The following GPHN variants were observed in gnomAD, a reference collection of about 807,000 sequenced individuals.
GPHN encodes gephyrin.
A neutral mutation model predicts 95.5 loss-of-function variants in GPHN; 17 were observed. The observed-to-expected ratio is 0.18, with a 90% CI of 0.12 to 0.27. The LOEUF is 0.27. Among genes scored for constraint, GPHN ranks in the 10% least tolerant of loss-of-function variants. The pLI, the probability that GPHN is intolerant of heterozygous loss-of-function variation, is 1.00. For missense variants in GPHN, 660 were observed against 978.1 expected (o/e 0.67, Z 4.34); for synonymous variants, 320 against 322.5 (o/e 0.99, Z 0.08).
intron 1 of GPHN, among the ~76,000 whole-genome samples, chr14:66,579,729 A>G (rs573495377): frequency 6.6e-5 from 10 of 151,978 alleles, no homozygotes; most frequent in Admixed American, 2.0e-4. Context: ...ATCTGAAGGG[A>G]GAGACAAGAC....
intron 5 of GPHN, among the ~76,000 whole-genome samples, chr14:66,881,887 T>A (rs1424776844): frequency 3.3e-5 from 5 of 151,836 alleles, no homozygotes; most frequent in Non-Finnish European, 7.4e-5. Flanking sequence ...CCTTCTGGCT[T>A]TTCTGTCTGT....
chr14:66,750,291 GC>G (rs1298986906), intron 2 of GPHN, among the ~76,000 whole-genome samples: 1 of 151,378 alleles, frequency 6.6e-6, no homozygotes, highest in African/African-American at 2.4e-5. Context: ...CATTTTTTTT[GC>G]ACATCATGTC....
intron 18 of GPHN, among the ~76,000 whole-genome samples, chr14:67,158,135 TG>T (rs2081724532): frequency 6.6e-6 from 1 of 151,574 alleles, no homozygotes; most frequent in South Asian, 2.1e-4. Context: ...GGTGAAACAG[TG>T]TCTCTACTAA....
chr14:67,325,500 T>C, the GPHN span, among the ~76,000 whole-genome samples: 1 of 152,146 alleles, frequency 6.6e-6, no homozygotes. Flanking sequence ...CTTGGGATGA[T>C]ACAAAGGAAA....
At chr14:66,732,664 G>A (rs745892452) in intron 2 of GPHN, among the ~76,000 whole-genome samples, 61 of 149,690 alleles carry the variant, frequency 4.1e-4, no homozygotes, top group African/African-American at 1.4e-3. Flanking sequence ...CTACAGGCAC[G>A]CACTACCACA....
the GPHN span, among the ~76,000 whole-genome samples, chr14:67,506,352 A>T: frequency 2.6e-5 from 4 of 152,186 alleles, no homozygotes; most frequent in Admixed American, 1.3e-4. Flanking sequence ...GAAAGAACTA[A>T]TCCCACTGGA....
the GPHN span, chr14:67,221,656 C>T: frequency 8.9e-6 from 13 of 1,453,034 alleles, no homozygotes; most frequent in Admixed American, 8.7e-5. Flanking sequence ...GTTTGCTAAA[C>T]GTGTTTCATT....
At chr14:66,560,015 G>T (rs918447204) in intron 1 of GPHN, among the ~76,000 whole-genome samples, 11 of 152,238 alleles carry the variant, frequency 7.2e-5, no homozygotes, top group Admixed American at 5.2e-4. Flanking sequence ...CCCATTGCTT[G>T]TTTTTGTCAG....
chr14:67,105,915 A>G (rs922385728), intron 13 of GPHN, among the ~76,000 whole-genome samples: 4 of 151,960 alleles, frequency 2.6e-5, no homozygotes, highest in Non-Finnish European at 5.9e-5. Context: ...ATTGTTTATC[A>G]TTGCAGTTGG....
chr14:67,651,588 GTT>G, the GPHN span: 4 of 1,271,758 alleles, frequency 3.1e-6, no homozygotes, highest in Non-Finnish European at 4.3e-6. Context: ...GAGGCTGTAT[GTT>G]TGATCACACA....
the GPHN span, among the ~76,000 whole-genome samples, chr14:67,212,516 G>A: frequency 3.3e-5 from 5 of 150,206 alleles, no homozygotes; most frequent in South Asian, 1.1e-3. Context: ...ACCTAATCCT[G>A]GGGGGTTGAG....
the GPHN span, chr14:67,397,678 T>G: frequency 2.9e-5 from 47 of 1,611,944 alleles, no homozygotes; most frequent in Non-Finnish European, 3.9e-5. Context: ...GTTTTCATAC[T>G]CCAGGCAGGG....
chr14:66,786,224 T>G (rs1331097264), intron 3 of GPHN, among the ~76,000 whole-genome samples: 1 of 151,920 alleles, frequency 6.6e-6, no homozygotes, highest in Non-Finnish European at 1.5e-5. Flanking sequence ...AGATCTTCTA[T>G]TCTTTAAAAG....
intron 13 of GPHN, among the ~76,000 whole-genome samples, chr14:67,108,712 G>GGTGTGT (rs3063159): frequency 0.057 from 7,472 of 131,062 alleles, 272 homozygotes; most frequent in East Asian, 0.16. Flanking sequence ...TTCCCTAAGG[G>GGTGTGT]GTGTGTGTGT....
At chr14:67,399,650 C>T in the GPHN span, among the ~76,000 whole-genome samples, 1 of 146,444 alleles carries the variant, frequency 6.8e-6, no homozygotes, top group Non-Finnish European at 1.5e-5. Context: ...AGGTGGTTCT[C>T]AGGTGGCAGG....
chr14:67,189,524 C>T, the GPHN span: 4 of 152,114 alleles, frequency 2.6e-5, no homozygotes, highest in Non-Finnish European at 4.4e-5. Context: ...TTTTCCTAGT[C>T]GACATCCAGG....
At chr14:67,219,984 T>G in the GPHN span, among the ~76,000 whole-genome samples, 1 of 152,238 alleles carries the variant, frequency 6.6e-6, no homozygotes, top group African/African-American at 2.4e-5. Flanking sequence ...AGATGTAATA[T>G]TCTAAGAACA....
the GPHN span, among the ~76,000 whole-genome samples, chr14:67,354,551 G>C: frequency 6.6e-6 from 1 of 152,140 alleles, no homozygotes; most frequent in Non-Finnish European, 1.5e-5. Flanking sequence ...GCAAAAGGGA[G>C]AAACAAGCTA....
chr14:66,854,196 G>A (rs2062705847), intron 4 of GPHN, among the ~76,000 whole-genome samples: 1 of 152,154 alleles, frequency 6.6e-6, no homozygotes, highest in Non-Finnish European at 1.5e-5. Flanking sequence ...TTATCTAAAT[G>A]TTGCCATCAC....
Sources: allele counts gnomAD v4.1 joint callset (sites outside exome capture counted in the v4.1 genomes callset), GRCh38; gene constraint gnomAD v4.1.1; transcripts MANE v1.5; gene names NCBI Gene and HGNC (gene_info 2026-07-23, HGNC 2026-07-21).